The following SLC14A1 variants were observed in gnomAD, a reference collection of about 807,000 sequenced individuals.
The protein encoded by SLC14A1 is urea transporter 1.
In SLC14A1, 36 loss-of-function variants were observed where a neutral mutation model predicts 39.6. The observed-to-expected ratio is 0.91, with a 90% CI of 0.70 to 1.20. The LOEUF (loss-of-function observed/expected upper bound fraction) is 1.20. Ranked by LOEUF, SLC14A1 falls within the 50% of genes most tolerant of loss-of-function variation. SLC14A1 has a pLI of 0.00. For missense variants in SLC14A1, 469 were observed against 478.7 expected (o/e 0.98, Z 0.19); for synonymous variants, 164 against 173.6 (o/e 0.94, Z 0.43).
At chr18:45,730,215 A>G (rs12605147) in intron 2 of SLC14A1, 85 bp from the exon 3 acceptor site, 140,478 of 1,396,834 alleles carry the variant, frequency 0.1, 11,346 homozygotes, top group East Asian at 0.39. Flanking sequence ...AGTGGTCCAG[A>G]TCTTCTACTG....
chr18:45,730,252 G>A (rs998172277), intron 2 of SLC14A1, 48 bp from the exon 3 acceptor site: 19 of 1,566,730 alleles, frequency 1.2e-5, no homozygotes, highest in Non-Finnish European at 1.6e-5. Context: ...TGGCTAATCT[G>A]GAGGGCTCTG....
intron 2 of SLC14A1, 114 bp from the exon 3 acceptor site, chr18:45,730,186 T>G: frequency 8.7e-7 from 1 of 1,152,326 alleles, no homozygotes; most frequent in Non-Finnish European, 1.2e-6. Flanking sequence ...AATGGTGCTC[T>G]CTTAGTTCTA....
intron 5 of SLC14A1, among the ~76,000 whole-genome samples, 192 bp from the exon 6 acceptor site, chr18:45,736,264 T>C (rs1406336193): frequency 1.3e-5 from 2 of 152,200 alleles, no homozygotes; most frequent in African/African-American, 2.4e-5. Flanking sequence ...TGAGAGTTGA[T>C]TTTTTACTTT....
intron 2 of SLC14A1, chr18:45,727,246 T>G: frequency 6.4e-7 from 1 of 1,551,130 alleles, no homozygotes; most frequent in Non-Finnish European, 8.7e-7. Flanking sequence ...TTTTTGCCCT[T>G]TGTCATGTAT....
Position 45,731,019 on chromosome 18 carries a change from A to G in SLC14A1, c.156A>G (p.Lys52=). Residue 52 remains lysine, a synonymous_variant, in exon 4 of 10, where the codon AAA becomes AAG. Transcript: ENST00000321925. ...MKELANQLKD[K]PVVLQFIDWI... Reference sequence around the variant, plus strand: ...GCTTTACCTCATCCCTTCCAGACAAACCCGTGGTGCTCCAGTTCATTGACT... The same window carrying G: ...GCTTTACCTCATCCCTTCCAGACAAGCCCGTGGTGCTCCAGTTCATTGACT... 1 of 1,613,806 alleles carries G rather than the reference A, an allele frequency of 6.2e-7. No individual in the cohort carries two copies.
chr18:45,731,093 G>C lies in SLC14A1; in HGVS notation c.230G>C (p.Ser77Thr). 1.2e-6 allele frequency: 2 copies of C among 1,614,202 alleles called. No individual in the cohort carries two copies. The highest frequency in any genetic ancestry group is 1.7e-6 in the Non-Finnish European group (2 of 1,180,028). The change falls in exon 4 of 10, where the codon AGT becomes ACT. Residue 77 changes from serine to threonine, a missense_variant. By Grantham distance (58) the Ser-to-Thr change is moderately conservative (BLOSUM62 1). Transcript: ENST00000321925. ...GTGGTGTTCGTCAACAACCCCGTCA[G>C]TGGAATCCTGATTCTGGTAGGACTT... The part of the protein sequence containing the change: ...SQVVFVNNPV[S>T]GILILVGLLV...
rs563964265 is a variant in SLC14A1 at position 45,751,438 on chromosome 18, A to C, written c.*1487A>C. 11 of 985,238 alleles carry C rather than the reference A, an allele frequency of 1.1e-5. No individual in the cohort carries two copies. In the South Asian group the frequency reaches 4.7e-4, roughly 42 times the overall value. The allele number at this position is 985,238 out of a possible 1,614,324, so 61.0% of individuals were successfully genotyped here. ...CCTGTTTTCCTCTCTTTAATTTTAA[A>C]GTTATCAGTTCCGTAAAGTCTCTGT... On this transcript the variant is annotated 3_prime_UTR_variant, in exon 10 of 10. Coordinates refer to ENST00000321925, the MANE Select transcript of SLC14A1 (RefSeq NM_015865.7).
At chr18:45,735,246 G>C (rs1224517082) in intron 5 of SLC14A1, among the ~76,000 whole-genome samples, 1 of 152,170 alleles carries the variant, frequency 6.6e-6, no homozygotes, top group Non-Finnish European at 1.5e-5. Flanking sequence ...TCAAACTTGA[G>C]CAATATGAGA....
intron 9 of SLC14A1, among the ~76,000 whole-genome samples, chr18:45,749,323 T>C (rs924526101): frequency 2.6e-5 from 4 of 152,000 alleles, no homozygotes; most frequent in South Asian, 4.1e-4. Context: ...ACTTAGAGTC[T>C]ATTTGGGAGA....
chr18:45,733,164 GA>G (rs2047082106), intron 4 of SLC14A1, among the ~76,000 whole-genome samples: 1 of 152,138 alleles, frequency 6.6e-6, no homozygotes, highest in Non-Finnish European at 1.5e-5. Context: ...TTTGGGTGAC[GA>G]GTTCAATAGA....
rs1307492731 is a variant in SLC14A1 at position 45,730,351 on chromosome 18, G to A, written c.31G>A (p.Asp11Asn). ...GGACAGCCCCACTATGGTTAGAGTG[G>A]ACAGCCCCACTATGGTTAGGGGTGA... MEDSPTMVRV[D>N]SPTMVRGENQ... Residue 11 changes from aspartate (D) to asparagine (N), a missense_variant, in exon 3 of 10, where the codon GAC (aspartate) becomes AAC (asparagine). By Grantham distance (23) the Asp-to-Asn change is conservative. Coordinates refer to ENST00000321925, the MANE Select transcript of SLC14A1 (RefSeq NM_015865.7). 6 of 1,614,054 alleles carry A rather than the reference G, an allele frequency of 3.7e-6. No individual in the cohort carries two copies. Among genetic ancestry groups the A allele is most frequent in the Middle Eastern group, 3.3e-4 (2 of 6,070 alleles).
At position 45,734,351 on chromosome 18, in the gene SLC14A1, G is replaced by T. The variant is rs759054346; in HGVS notation, c.419G>T (p.Gly140Val). 1 of 1,613,926 alleles carries T rather than the reference G, an allele frequency of 6.2e-7. No homozygotes were observed. Among genetic ancestry groups the T allele is most frequent in the South Asian group, 1.1e-5 (1 of 91,062 alleles). ...GVLMAVFSDK[G>V]DYFWWLLLPV... The stretch of plus-strand genomic sequence containing the variant: ...CTCATGGCTGTCTTTTCGGACAAGG[G>T]AGACTATTTCTGGTGGCTGTTACTC... The change falls in exon 5 of 10, where the codon GGA becomes GTA. Residue 140 changes from glycine to valine, a missense_variant. Gly to Val is a moderately radical substitution (Grantham distance 109). Coordinates refer to ENST00000321925, the MANE Select transcript of SLC14A1 (RefSeq NM_015865.7).
chr18:45,725,962 C>T (rs530679487), intron 2 of SLC14A1, among the ~76,000 whole-genome samples: 119 of 152,292 alleles, frequency 7.8e-4, no homozygotes, highest in African/African-American at 2.7e-3. Flanking sequence ...CAGAAGGAGA[C>T]GCTGTCTACA....
At chr18:45,742,380 T>C (rs1367968657) in intron 8 of SLC14A1, among the ~76,000 whole-genome samples, 15 of 123,462 alleles carry the variant, frequency 1.2e-4, no homozygotes, top group Non-Finnish European at 1.4e-4. Context: ...TTTGACAGAG[T>C]CTTGCTCTGT....
Position 45,736,548 on chromosome 18 carries a change from T to C in SLC14A1, c.563T>C (p.Leu188Pro). The C allele has an allele frequency of 6.2e-7, 1 of 1,614,156 alleles. No homozygotes were observed. The highest frequency in any genetic ancestry group is 8.5e-7 in the Non-Finnish European group (1 of 1,179,970). The stretch of plus-strand genomic sequence containing the variant: ...TTCAACATGGCGTTGTCAATGTACC[T>C]TTCAGCCACAGGACATTACAATCCA... The part of the protein sequence containing the change: ...LPFNMALSMY[L>P]SATGHYNPFF... Residue 188 changes from leucine (L) to proline (P), a missense_variant, in exon 6 of 10, where the codon CTT becomes CCT. Physicochemically the swap from Leu to Pro is moderately conservative, Grantham distance 98. Transcript: ENST00000321925.
In SLC14A1 at chr18:45,751,485, C is replaced by A. The variant is rs1012320738; in HGVS notation, c.*1534C>A. On this transcript the variant is annotated 3_prime_UTR_variant, in exon 10 of 10. Transcript: ENST00000321925. ...CTGTAACCAAACATACTGAAGACAG[C>A]AACAGAAGTCACGTTCAGGGACTGG... 18 of 984,540 alleles carry A rather than the reference C, an allele frequency of 1.8e-5. No individual in the cohort carries two copies. The highest frequency in any genetic ancestry group is 2.2e-5 in the Non-Finnish European group (18 of 829,776). 61.0% of individuals were successfully genotyped at this position (984,540 alleles called of 1,614,324 possible).
intron 8 of SLC14A1, chr18:45,739,921 G>A (rs1205635689): frequency 3.8e-6 from 2 of 531,300 alleles, no homozygotes; most frequent in Non-Finnish European, 6.8e-6. Flanking sequence ...TGTTTGGGAG[G>A]ATAGAAAAAG....
intron 2 of SLC14A1, 98 bp from the exon 3 acceptor site, chr18:45,730,202 C>A: frequency 7.7e-7 from 1 of 1,290,748 alleles, no homozygotes; most frequent in South Asian, 1.5e-5. Context: ...TTCTATGGAA[C>A]ATAGTGGTCC....
chr18:45,728,436 C>A (rs1486839846), intron 2 of SLC14A1, among the ~76,000 whole-genome samples: 1 of 152,092 alleles, frequency 6.6e-6, no homozygotes, highest in Non-Finnish European at 1.5e-5. Context: ...GATTCAGTTC[C>A]AGAAACTCAA....
Sources: allele counts gnomAD v4.1 joint callset (sites outside exome capture counted in the v4.1 genomes callset), GRCh38; gene constraint gnomAD v4.1.1; transcripts MANE v1.5; gene names NCBI Gene and HGNC (gene_info 2026-07-23, HGNC 2026-07-21).